Variants in STARD9 observed in about 807,000 individuals in gnomAD.
STARD9 encodes the protein stAR-related lipid transfer protein 9.
In STARD9, 346 loss-of-function variants were observed where a neutral mutation model predicts 399.8. The ratio of observed to expected loss-of-function variants is 0.87; its 90% CI spans 0.79 to 0.95. The LOEUF (loss-of-function observed/expected upper bound fraction) is 0.95, where lower values mean the gene tolerates loss of function less well. Among genes scored for constraint, STARD9 ranks in the 40% least tolerant of loss-of-function variants. STARD9 has a pLI of 0.00. For missense variants in STARD9, 5,832 were observed against 5,667.5 expected (o/e 1.03, Z -0.93); for synonymous variants, 2,203 against 2,143.5 (o/e 1.03, Z -0.77).
Position 42,693,239 on chromosome 15 carries a change from C to T in STARD9, c.11661C>T (p.Gly3887=), listed in dbSNP as rs2060757441. ...ACTCCAGGGTCCAGAAGAAGCTGGG[C>T]CCCACAAGTGCTTTGTTCGTGGACA... ...PGDSRVQKKL[G]PTSALFVDRA... is the part of the protein sequence containing the mutation. Residue 3887 remains glycine (G), a synonymous_variant, in exon 23 of 33, where the codon GGC becomes GGT. Coordinates refer to ENST00000290607, the MANE Select transcript of STARD9 (RefSeq NM_020759.3). The T allele has an allele frequency of 1.3e-6, 2 of 1,536,812 alleles. No individual in the cohort carries two copies. Among genetic ancestry groups the T allele is most frequent in the African/African-American group, 2.7e-5 (2 of 73,004 alleles).
chr15:42,609,169 AAG>A lies in STARD9; in HGVS notation c.234+23533_234+23534del, dbSNP rs577245802. On this transcript the variant is annotated intron_variant, in intron 3 of 32. Transcript: ENST00000290607. Reference sequence around the variant, plus strand: ...AAGGGGAATATATTGGAAGAAGAGAAAGGGGACAAAGAGAAAACTAAAAGCTA... The same window carrying A: ...AAGGGGAATATATTGGAAGAAGAGAAGGGACAAAGAGAAAACTAAAAGCTA... 9.5e-4 allele frequency among the ~76,000 whole-genome samples: 144 copies of A among 152,260 alleles called. 2 individuals carry two copies. The South Asian group carries it at 0.029, about 31-fold the overall frequency.
At chr15:42,705,090 G>GT (rs1174547375) in intron 26 of STARD9, among the ~76,000 whole-genome samples, 2 of 152,178 alleles carry the variant, frequency 1.3e-5, no homozygotes, top group South Asian at 2.1e-4. Context: ...AGGCTGTGGG[G>GT]TTTTTTCTGG....
intron 10 of STARD9, 107 bp downstream of exon 10, chr15:42,661,332 CA>C (rs1325015005): frequency 1.6e-5 from 13 of 822,732 alleles, no homozygotes; most frequent in Admixed American, 2.4e-5. Flanking sequence ...GAGAGTATTA[CA>C]AAAGAAATAA....
intron 9 of STARD9, among the ~76,000 whole-genome samples, chr15:42,654,321 C>T (rs766166696): frequency 1.9e-4 from 29 of 152,020 alleles, no homozygotes; most frequent in Non-Finnish European, 3.7e-4. Flanking sequence ...AAGCAAGACC[C>T]AACTACATGC....
chr15:42,686,867 T>A lies in STARD9; in HGVS notation c.5289T>A (p.Ile1763=). 1 of 1,537,028 alleles carries A rather than the reference T, an allele frequency of 6.5e-7. No individual in the cohort carries two copies. Among genetic ancestry groups the A allele is most frequent in the Non-Finnish European group, 8.7e-7 (1 of 1,146,890 alleles). The change falls in exon 23 of 33, where the codon ATT becomes ATA. Residue 1763 remains isoleucine, a synonymous_variant. Coordinates refer to ENST00000290607, the MANE Select transcript of STARD9 (RefSeq NM_020759.3). The part of the protein sequence containing the change: ...RDALTETALE[I]PACREVRVPS... ...CCCTGACAGAAACTGCCTTAGAGAT[T>A]CCAGCTTGCAGAGAAGTAAGGGTAC...
At chr15:42,658,829 C>T in intron 9 of STARD9, among the ~76,000 whole-genome samples, 1 of 151,564 alleles carries the variant, frequency 6.6e-6, no homozygotes, top group Non-Finnish European at 1.5e-5. Flanking sequence ...AAAAGAAAAG[C>T]AGGCCAGGTG....
At chr15:42,583,489 G>C in intron 2 of STARD9, 74 bp downstream of exon 2, 1 of 1,098,982 alleles carries the variant, frequency 9.1e-7, no homozygotes, top group Non-Finnish European at 1.3e-6. Flanking sequence ...CAGGCTGAAG[G>C]TGTATATGTG....
intron 26 of STARD9, among the ~76,000 whole-genome samples, chr15:42,707,345 C>T (rs2061110459): frequency 6.6e-6 from 1 of 152,180 alleles, no homozygotes; most frequent in East Asian, 1.9e-4. Context: ...GGAGGACATT[C>T]GCAAATCCAT....
chr15:42,665,175 C>A (rs8039765), intron 13 of STARD9, 78 bp from the exon 14 acceptor site: 255,730 of 1,177,818 alleles, frequency 0.22, 32,819 homozygotes, highest in African/African-American at 0.48. Flanking sequence ...TACCTCTTCC[C>A]AGCCAATTGC....
At chr15:42,681,636 T>C in intron 21 of STARD9, 24 bp downstream of exon 21, 1 of 1,517,730 alleles carries the variant, frequency 6.6e-7, no homozygotes, top group Non-Finnish European at 8.8e-7. Context: ...ACTTAATGTG[T>C]CTGCCTCACC....
At chr15:42,596,395 G>C (rs2058505599) in intron 3 of STARD9, among the ~76,000 whole-genome samples, 2 of 152,168 alleles carry the variant, frequency 1.3e-5, no homozygotes, top group Admixed American at 6.5e-5. Context: ...TTAATTGCTT[G>C]AGGAAGAGAA....
intron 3 of STARD9, among the ~76,000 whole-genome samples, chr15:42,591,893 A>G (rs767438692): frequency 1.2e-4 from 18 of 152,236 alleles, no homozygotes; most frequent in East Asian, 5.8e-4. Flanking sequence ...TTCACGTTCT[A>G]TTAGATCTAT....
intron 3 of STARD9, among the ~76,000 whole-genome samples, chr15:42,597,998 A>ATGTGTGTGTGTGTGTGTGTG (rs770352086): frequency 4.4e-5 from 5 of 112,776 alleles, no homozygotes; most frequent in African/African-American, 7.2e-5. Flanking sequence ...TTGTATATAT[A>ATGTGTGTGTGTGTGTGTGTG]TATGTGTGTG....
At chr15:42,705,973 A>T (rs1304040736) in intron 26 of STARD9, among the ~76,000 whole-genome samples, 1 of 151,732 alleles carries the variant, frequency 6.6e-6, no homozygotes, top group Non-Finnish European at 1.5e-5. Flanking sequence ...GGCTTTTCTC[A>T]AACTCCTAAC....
chr15:42,626,246 T>C (rs931528965), intron 3 of STARD9, among the ~76,000 whole-genome samples: 4 of 151,524 alleles, frequency 2.6e-5, no homozygotes, highest in Non-Finnish European at 5.9e-5. Flanking sequence ...CTTCTTCTTC[T>C]TCTTCCTCTT....
intron 3 of STARD9, among the ~76,000 whole-genome samples, chr15:42,593,548 G>T (rs1054625841): frequency 7.5e-5 from 11 of 146,968 alleles, no homozygotes; most frequent in African/African-American, 2.5e-4. Context: ...AGCATTTCCA[G>T]ACCAAAAAAA....
At chr15:42,719,445 C>T in intron 32 of STARD9, 28 bp from the exon 33 acceptor site, 2 of 1,445,964 alleles carry the variant, frequency 1.4e-6, no homozygotes, top group South Asian at 1.2e-5. Flanking sequence ...TCTATTTGCA[C>T]CTTAAATTCT....
At chr15:42,593,435 T>A (rs563366932) in intron 3 of STARD9, among the ~76,000 whole-genome samples, 1 of 152,150 alleles carries the variant, frequency 6.6e-6, no homozygotes, top group Non-Finnish European at 1.5e-5. Flanking sequence ...ACAAAAATCA[T>A]GTCTATGAAC....
Position 42,690,431 on chromosome 15 carries a change from T to C in STARD9, c.8853T>C (p.Leu2951=), listed in dbSNP as rs1305890606. 6.5e-7 allele frequency: 1 copy of C among 1,537,194 alleles called. No homozygotes were observed. The highest frequency in any genetic ancestry group is 1.2e-5 in the South Asian group (1 of 84,060). Residue 2951 remains leucine (L), a synonymous_variant, in exon 23 of 33, where the codon CTT becomes CTC. Transcript: ENST00000290607. The part of the protein sequence containing the change: ...SPSRGKESRT[L]PCRQPCSSQP... Reference sequence around the variant, plus strand: ...CTAGAGGGAAAGAGAGCAGAACTCTTCCTTGCCGACAGCCATGCAGTTCTC... The same window carrying C: ...CTAGAGGGAAAGAGAGCAGAACTCTCCCTTGCCGACAGCCATGCAGTTCTC...
Sources: allele counts gnomAD v4.1 joint callset (sites outside exome capture counted in the v4.1 genomes callset), GRCh38; gene constraint gnomAD v4.1.1; transcripts MANE v1.5; gene names NCBI Gene and HGNC (gene_info 2026-07-23, HGNC 2026-07-21).